Variants in FMN2 observed in about 807,000 individuals in gnomAD.
The protein encoded by FMN2 is formin-2.
FMN2 carries 51 observed loss-of-function variants against 142.3 expected under a neutral mutation model. The ratio of observed to expected loss-of-function variants is 0.36; its 90% CI spans 0.29 to 0.45. The LOEUF is 0.45. Among genes scored for constraint, FMN2 ranks in the 20% least tolerant of loss-of-function variants. The probability of loss-of-function intolerance (pLI) is 1.00; values close to 1 mark genes in which losing one functional copy is unlikely to be tolerated. For missense variants in FMN2, 1,936 were observed against 2,122.8 expected (o/e 0.91, Z 1.73); for synonymous variants, 882 against 869.8 (o/e 1.01, Z -0.25).
At chr1:240,151,134 A>G (rs1394012237) in intron 2 of FMN2, among the ~76,000 whole-genome samples, 1 of 152,180 alleles carries the variant, frequency 6.6e-6, no homozygotes, top group African/African-American at 2.4e-5. Flanking sequence ...CAAATTCTCT[A>G]CTTTATTCTA....
At chr1:240,429,884 GTTTTTT>G (rs575967964) in intron 15 of FMN2, among the ~76,000 whole-genome samples, 1 of 133,144 alleles carries the variant, frequency 7.5e-6, no homozygotes, top group Non-Finnish European at 1.5e-5. Flanking sequence ...GTTTTTTTTT[GTTTTTT>G]TTTTGTTTTT....
Position 240,093,368 on chromosome 1 carries a change from A to G in FMN2, c.1259A>G (p.Lys420Arg). 5 of 1,612,976 alleles carry G rather than the reference A, an allele frequency of 3.1e-6. No individual in the cohort carries two copies. Among genetic ancestry groups the G allele is most frequent in the Non-Finnish European group, 4.2e-6 (5 of 1,179,568 alleles). ...CCGCTCATCACCCCCTGCTACATCA[A>G]GACCACCACCCGGCAGCTCAGCTCG... The part of the protein sequence containing the change: ...PYPLITPCYI[K>R]TTTRQLSSPN... Residue 420 changes from lysine to arginine, a missense_variant, in exon 1 of 18, where the codon AAG becomes AGG. Around this residue, in one of 8 missense-constraint regions of FMN2, gnomAD observed 751 missense variants for 791.8 expected, o/e 0.95. Coordinates refer to ENST00000319653, the MANE Select transcript of FMN2 (RefSeq NM_020066.5).
chr1:240,306,509 A>G (rs1367024596), intron 8 of FMN2, among the ~76,000 whole-genome samples: 2 of 152,162 alleles, frequency 1.3e-5, no homozygotes, highest in Non-Finnish European at 2.9e-5. Flanking sequence ...GTAAGTGAGA[A>G]CATGTGATAT....
intron 14 of FMN2, among the ~76,000 whole-genome samples, chr1:240,374,678 G>T (rs1244085447): frequency 6.6e-6 from 1 of 152,210 alleles, no homozygotes; most frequent in African/African-American, 2.4e-5. Flanking sequence ...TTAAGAGAAT[G>T]TTGTGGCTAG....
intron 13 of FMN2, among the ~76,000 whole-genome samples, chr1:240,337,293 C>T (rs1671599616): frequency 6.8e-6 from 1 of 147,822 alleles, no homozygotes; most frequent in African/African-American, 2.5e-5. Flanking sequence ...ACTGCAGCCT[C>T]TGCCTCCCCA....
intron 6 of FMN2, among the ~76,000 whole-genome samples, chr1:240,247,006 T>C (rs1172469305): frequency 6.6e-6 from 1 of 152,082 alleles, no homozygotes; most frequent in Non-Finnish European, 1.5e-5. Flanking sequence ...TCCAAGGTGT[T>C]GGAAAAAAAG....
chr1:240,175,127 A>G (rs1664865965), intron 2 of FMN2, among the ~76,000 whole-genome samples: 3 of 152,202 alleles, frequency 2.0e-5, no homozygotes, highest in Non-Finnish European at 4.4e-5. Flanking sequence ...AATGTCCTCC[A>G]GGTTCATCCA....
At chr1:240,184,606 A>G (rs1020991216) in intron 3 of FMN2, among the ~76,000 whole-genome samples, 1 of 149,010 alleles carries the variant, frequency 6.7e-6, no homozygotes, top group African/African-American at 2.5e-5. Context: ...TGTACCCTTG[A>G]GAGCTCTCTC....
At chr1:240,458,067 T>A (rs2103223139) in intron 16 of FMN2, 1 of 152,308 alleles carries the variant, frequency 6.6e-6, no homozygotes, top group Admixed American at 6.5e-5. Flanking sequence ...TGACTCTAGG[T>A]AACACGCTCT....
chr1:240,138,458 G>A (rs1663045273), intron 2 of FMN2, among the ~76,000 whole-genome samples: 1 of 152,092 alleles, frequency 6.6e-6, no homozygotes, highest in African/African-American at 2.4e-5. Flanking sequence ...CCAGCACTTT[G>A]GGAGGCTGAG....
chr1:240,233,128 C>T lies in FMN2; in HGVS notation c.4065+21893C>T, dbSNP rs530104129. Among the ~76,000 whole-genome samples the T allele has an allele frequency of 4.3e-4, 65 of 152,262 alleles. 1 individual carries two copies. In the South Asian group the frequency reaches 0.013, roughly 30 times the overall value. ...GGGCTTGGTGGCTCACTCCTGTAATCCCAGCACTTTGGGAGGCCAAGGCAG... is the reference window on the plus strand; with the variant it reads ...GGGCTTGGTGGCTCACTCCTGTAATTCCAGCACTTTGGGAGGCCAAGGCAG... On this transcript the variant is annotated intron_variant, in intron 6 of 17. Transcript: ENST00000319653.
intron 6 of FMN2, among the ~76,000 whole-genome samples, chr1:240,255,214 A>G (rs539714481): frequency 1.3e-5 from 2 of 152,190 alleles, no homozygotes; most frequent in East Asian, 3.9e-4. Context: ...TTTGCCTCCC[A>G]TGTTACCTGT....
At chr1:240,395,177 GC>G (rs1224701766) in intron 15 of FMN2, among the ~76,000 whole-genome samples, 2 of 152,106 alleles carry the variant, frequency 1.3e-5, no homozygotes, top group South Asian at 4.1e-4. Context: ...TCTGTTTACA[GC>G]ATAGCTTACT....
chr1:240,331,284 A>T (rs190601892), intron 11 of FMN2, among the ~76,000 whole-genome samples: 124 of 152,218 alleles, frequency 8.1e-4, no homozygotes, highest in Non-Finnish European at 1.4e-3. Context: ...GGGATGTCTA[A>T]GCTCTCTTGC....
chr1:240,274,154 G>T (rs1553354155), intron 7 of FMN2, among the ~76,000 whole-genome samples: 1 of 149,720 alleles, frequency 6.7e-6, no homozygotes, highest in African/African-American at 2.5e-5. Context: ...TAAAGACAGA[G>T]AGACAAAAAT....
At chr1:240,234,524 G>A (rs903157046) in intron 6 of FMN2, among the ~76,000 whole-genome samples, 2 of 152,196 alleles carry the variant, frequency 1.3e-5, no homozygotes, top group African/African-American at 4.8e-5. Context: ...GAGTTTGCAT[G>A]TCTGTATCTT....
At chr1:240,119,208 A>T (rs1194450121) in intron 1 of FMN2, among the ~76,000 whole-genome samples, 1 of 152,030 alleles carries the variant, frequency 6.6e-6, no homozygotes, top group Non-Finnish European at 1.5e-5. Flanking sequence ...GCATGCCTGT[A>T]ATCCCGGCTA....
intron 4 of FMN2, among the ~76,000 whole-genome samples, chr1:240,195,926 T>C (rs1327095252): frequency 2.0e-5 from 3 of 152,182 alleles, no homozygotes; most frequent in Non-Finnish European, 4.4e-5. Context: ...GAGGATCACC[T>C]GAGCCCAGGA....
At chr1:240,326,002 C>T (rs1572195932) in intron 8 of FMN2, among the ~76,000 whole-genome samples, 1 of 152,126 alleles carries the variant, frequency 6.6e-6, no homozygotes, top group African/African-American at 2.4e-5. Flanking sequence ...AATGTTGTGA[C>T]CCCAGAGGCT....
Sources: allele counts gnomAD v4.1 joint callset (sites outside exome capture counted in the v4.1 genomes callset), GRCh38; gene constraint gnomAD v4.1.1; regional missense constraint gnomAD v4.1.1; transcripts MANE v1.5; gene names NCBI Gene and HGNC (gene_info 2026-07-23, HGNC 2026-07-21).